Variants in MLLT10 observed in about 807,000 individuals in gnomAD.
The protein encoded by MLLT10 is protein AF-10.
In MLLT10, 30 loss-of-function variants were observed where a neutral mutation model predicts 129.1. The ratio of observed to expected loss-of-function variants is 0.23; its 90% confidence interval spans 0.17 to 0.32. The LOEUF (loss-of-function observed/expected upper bound fraction) is 0.32. Ranked by LOEUF, MLLT10 falls within the 10% of genes least tolerant of loss-of-function variation. MLLT10 has a pLI of 1.00. For synonymous variants in MLLT10, 490 were observed against 446.4 expected (o/e 1.10, Z -1.23); for missense variants, 1,119 against 1,268.3 (o/e 0.88, Z 1.79).
intron 14 of MLLT10, among the ~76,000 whole-genome samples, chr10:21,718,173 C>CT (rs376769089): frequency 4.1e-4 from 61 of 148,762 alleles, no homozygotes; most frequent in African/African-American, 9.8e-4. Context: ...GTGTTAAACC[C>CT]TTTTTTTTTT....
chr10:21,571,178 T>TTA (rs1223555589), intron 3 of MLLT10, among the ~76,000 whole-genome samples: 1 of 152,254 alleles, frequency 6.6e-6, no homozygotes, highest in African/African-American at 2.4e-5. Flanking sequence ...ATTCACATCC[T>TTA]TATGTCAGTT....
At chr10:21,726,189 CT>C in intron 14 of MLLT10, 54 bp from the exon 15 acceptor site, 1 of 1,213,454 alleles carries the variant, frequency 8.2e-7, no homozygotes, top group Non-Finnish European at 1.2e-6. Context: ...GAAGGGAAAA[CT>C]TTTAATATAT....
intron 5 of MLLT10, 146 bp from the exon 6 acceptor site, chr10:21,612,200 AAT>A (rs2044727364): frequency 3.8e-6 from 2 of 526,590 alleles, no homozygotes; most frequent in Non-Finnish European, 6.8e-6. Context: ...TGTATGCAAA[AAT>A]TAGATTATTG....
At chr10:21,689,634 C>G (rs1276628184) in intron 13 of MLLT10, among the ~76,000 whole-genome samples, 2 of 141,774 alleles carry the variant, frequency 1.4e-5, no homozygotes, top group Non-Finnish European at 3.0e-5. Flanking sequence ...CACACACACA[C>G]ACACATTTAT....
At position 21,736,258 on chromosome 10, in the gene MLLT10, G is replaced by A. The variant is rs183279742; in HGVS notation, c.2955+1023G>A. On this transcript the variant is annotated intron_variant, in intron 21 of 22. Transcript: ENST00000307729. ...TAGGTGTTAAAATAGTATGGGCTAC[G>A]TATTGAAAACTGCCTGGAATTGTGG... Among the ~76,000 whole-genome samples the A allele has an allele frequency of 1.3e-4, 20 of 152,250 alleles. 1 individual carries two copies. In the East Asian group the frequency reaches 3.3e-3, roughly 25 times the overall value.
intron 7 of MLLT10, among the ~76,000 whole-genome samples, chr10:21,615,422 A>G (rs1163805015): frequency 7.1e-6 from 1 of 140,614 alleles, no homozygotes; most frequent in Non-Finnish European, 1.5e-5. Context: ...CTGCCATTAC[A>G]CTCCAGCCTG....
chr10:21,535,920 A>T (rs908997670), intron 2 of MLLT10, among the ~76,000 whole-genome samples: 1 of 152,194 alleles, frequency 6.6e-6, no homozygotes, highest in Non-Finnish European at 1.5e-5. Context: ...AATGCTGTTT[A>T]TTCCCAGACT....
chr10:21,662,338 A>AT (rs896472670), intron 9 of MLLT10, among the ~76,000 whole-genome samples: 1 of 151,918 alleles, frequency 6.6e-6, no homozygotes, highest in African/African-American at 2.4e-5. Context: ...CTGTATTCCC[A>AT]TTTTAACTAT....
intron 14 of MLLT10, among the ~76,000 whole-genome samples, chr10:21,717,722 C>CTCCTCTTCCTCCTCCTCCTCT (rs1554864395): frequency 1.6e-5 from 1 of 61,864 alleles, no homozygotes; most frequent in African/African-American, 7.6e-5. Flanking sequence ...CCTCTTCCTC[C>CTCCTCTTCCTCCTCCTCCTCT]TCCTCCTCCT....
intron 13 of MLLT10, among the ~76,000 whole-genome samples, chr10:21,698,122 A>G (rs2054546426): frequency 6.6e-6 from 1 of 152,160 alleles, no homozygotes; most frequent in South Asian, 2.1e-4. Context: ...GTTGCTAATG[A>G]TAGTCACCCT....
intron 11 of MLLT10, among the ~76,000 whole-genome samples, chr10:21,674,539 T>G (rs534445721): frequency 2.0e-5 from 3 of 152,166 alleles, no homozygotes; most frequent in Non-Finnish European, 4.4e-5. Flanking sequence ...GACAAGTGAG[T>G]TGATATACAT....
chr10:21,710,441 A>G (rs999319913), intron 13 of MLLT10, among the ~76,000 whole-genome samples: 1 of 152,230 alleles, frequency 6.6e-6, no homozygotes, highest in Non-Finnish European at 1.5e-5. Context: ...TTAGGCATCT[A>G]GAGTTCTTAA....
chr10:21,538,320 C>T (rs1166677703), intron 2 of MLLT10, among the ~76,000 whole-genome samples: 1 of 152,058 alleles, frequency 6.6e-6, no homozygotes, highest in Non-Finnish European at 1.5e-5. Context: ...TGTGCCACCA[C>T]GCCTGGCTAA....
At chr10:21,737,484 C>T (rs931756183) in intron 21 of MLLT10, among the ~76,000 whole-genome samples, 13 of 152,008 alleles carry the variant, frequency 8.6e-5, no homozygotes, top group East Asian at 1.9e-4. Flanking sequence ...GAGATGAGAA[C>T]GGTATTTCAC....
chr10:21,612,538 A>G (rs1429901587), intron 6 of MLLT10, 87 bp downstream of exon 6: 4 of 691,812 alleles, frequency 5.8e-6, no homozygotes, highest in African/African-American at 1.8e-5. Flanking sequence ...ATACTCAAAC[A>G]TTAATTATGG....
chr10:21,590,918 T>G (rs772312034), intron 4 of MLLT10, among the ~76,000 whole-genome samples: 9 of 152,228 alleles, frequency 5.9e-5, no homozygotes, highest in South Asian at 2.1e-4. Flanking sequence ...CATTTTCCTC[T>G]TGTTTTCTAA....
chr10:21,651,655 A>G lies in MLLT10; in HGVS notation c.700-18A>G. On this transcript the variant is annotated intron_variant, in intron 8 of 22. Coordinates refer to ENST00000307729, the MANE Select transcript of MLLT10 (RefSeq NM_001195626.3). ...TATAGTTAAATTAAAATTGGATTTT[A>G]CTTATATTCGTTTTTAGAAATATAA... 1 of 1,576,510 alleles carries G rather than the reference A, an allele frequency of 6.3e-7. No homozygotes were observed. The highest frequency in any genetic ancestry group is 8.7e-7 in the Non-Finnish European group (1 of 1,149,202).
chr10:21,557,458 C>T (rs2038190139), intron 3 of MLLT10, among the ~76,000 whole-genome samples: 1 of 152,092 alleles, frequency 6.6e-6, no homozygotes, highest in Non-Finnish European at 1.5e-5. Flanking sequence ...TCTTTTTGTC[C>T]TGGTTACCAG....
rs374383316 is a variant in MLLT10 at position 21,613,896 on chromosome 10, G to A, written c.510-935G>A. On this transcript the variant is annotated intron_variant, in intron 6 of 22. Coordinates refer to ENST00000307729, the MANE Select transcript of MLLT10 (RefSeq NM_001195626.3). ...ACTCTGGCCTGGGTGACAGAATGAG[G>A]CTCCATCTAAAAAAAAAAACAAAAA... Among the ~76,000 whole-genome samples, 5 of 150,508 alleles carry A rather than the reference G, an allele frequency of 3.3e-5. No homozygotes were observed. The East Asian group carries it at 7.8e-4, about 24-fold the overall frequency.
Sources: allele counts gnomAD v4.1 joint callset (sites outside exome capture counted in the v4.1 genomes callset), GRCh38; gene constraint gnomAD v4.1.1; transcripts MANE v1.5; gene names NCBI Gene and HGNC (gene_info 2026-07-23, HGNC 2026-07-21).